RESP18: variants seen among roughly 807,000 people sequenced by gnomAD.
The protein encoded by RESP18 is regulated endocrine specific protein 18.
A neutral mutation model predicts 30.0 loss-of-function variants in RESP18; 30 were observed. That is an observed-to-expected ratio of 1.00 (90% CI 0.75 to 1.36). The LOEUF is 1.36. Among genes scored for constraint, RESP18 ranks in the 40% most tolerant of loss-of-function variants. RESP18 has a pLI of 0.00. For missense variants in RESP18, 320 were observed against 284.2 expected (o/e 1.13, Z -0.91); for synonymous variants, 117 against 111.2 (o/e 1.05, Z -0.33).
chr2:219,331,092 C>G, intron 2 of RESP18: 1 of 485,796 alleles, frequency 2.1e-6, no homozygotes, highest in South Asian at 2.7e-5. Context: ...ACTCTTGGTA[C>G]CAACTTACAG....
At chr2:219,328,248 T>A (rs1952793132) in intron 6 of RESP18, among the ~76,000 whole-genome samples, 1 of 152,250 alleles carries the variant, frequency 6.6e-6, no homozygotes, top group African/African-American at 2.4e-5. Flanking sequence ...TGCTATGATC[T>A]GTGAGCCCCT....
chr2:219,330,640 G>A, intron 3 of RESP18, 131 bp downstream of exon 2: 1 of 624,260 alleles, frequency 1.6e-6, no homozygotes, highest in Non-Finnish European at 2.8e-6. Flanking sequence ...ATCCCCATGG[G>A]GGTAAATGTG....
chr2:219,327,550 G>A lies in RESP18; in HGVS notation c.654C>T (p.Ala218=), dbSNP rs780836826. The stretch of plus-strand genomic sequence containing the variant: ...AGGGTTGCGGCCCACAGTAGGAAGT[G>A]GCCCAGAGAAGCCCTAAAACAAGAA... Residue 218 remains alanine, a synonymous_variant, in exon 7 of 7, where the codon GCC becomes GCT. Transcript: ENST00000333527. The A allele has an allele frequency of 1.9e-6, 3 of 1,551,616 alleles. No homozygotes were observed. Among genetic ancestry groups the A allele is most frequent in the South Asian group, 1.2e-5 (1 of 84,052 alleles).
At chr2:219,331,959 C>T (rs960706962) in intron 2 of RESP18, among the ~76,000 whole-genome samples, 6 of 152,350 alleles carry the variant, frequency 3.9e-5, no homozygotes, top group Non-Finnish European at 5.9e-5. Context: ...GGAGTTTGCG[C>T]TCTCTTCCCC....
intron 1 of RESP18, chr2:219,333,092 C>G (rs554724151): frequency 1.6e-6 from 2 of 1,214,692 alleles, no homozygotes; most frequent in South Asian, 4.1e-5. Flanking sequence ...CATATAGGTT[C>G]GATCTGCTAT....
chr2:219,329,345 C>T lies in RESP18; in HGVS notation c.466-93G>A, dbSNP rs1329690285. The stretch of plus-strand genomic sequence containing the variant: ...AATTGGATACAAAGTCAGGGATTCA[C>T]AATTCTTGAGAAGATACGTGAGTCT... On this transcript the variant is annotated intron_variant, in intron 4 of 6. Coordinates refer to ENST00000333527, the MANE Select transcript of RESP18 (RefSeq NM_001007089.4). 3 of 1,551,628 alleles carry T rather than the reference C, an allele frequency of 1.9e-6. No individual in the cohort carries two copies. In the East Asian group the frequency reaches 7.3e-5, roughly 38 times the overall value.
intron 6 of RESP18, among the ~76,000 whole-genome samples, chr2:219,328,292 C>T (rs539039068): frequency 9.3e-4 from 142 of 152,216 alleles, no homozygotes; most frequent in Non-Finnish European, 1.6e-3. Context: ...TCTCCACCCT[C>T]ATCTTTGACC....
At chr2:219,329,526 A>G in intron 4 of RESP18, 111 bp downstream of exon 3, 1 of 1,447,972 alleles carries the variant, frequency 6.9e-7, no homozygotes, top group Non-Finnish European at 9.0e-7. Context: ...GGACCTCTGA[A>G]TTCTCACAGT....
rs1180976157 is a variant in RESP18 at position 219,329,764 on chromosome 2, C to A, written c.338G>T (p.Gly113Val). ...GGTGATGTCATCCTTCCAGAACAGA[C>A]CTGCAGGATGAAAGGATGGGGGGTG... Residue 113 changes from glycine (G) to valine (V), a missense_variant and splice_region_variant, in exon 4 of 7, where the codon GGT (glycine) becomes GTT (valine). Gly to Val is a moderately radical substitution (Grantham distance 109). Coordinates refer to ENST00000333527, the MANE Select transcript of RESP18 (RefSeq NM_001007089.4). 2 of 1,550,988 alleles carry A rather than the reference C, an allele frequency of 1.3e-6. No individual in the cohort carries two copies. The highest frequency in any genetic ancestry group is 2.0e-5 in the Admixed American group (1 of 50,972).
chr2:219,333,009 C>T (rs950806309), intron 1 of RESP18, among the ~76,000 whole-genome samples: 2 of 151,768 alleles, frequency 1.3e-5, no homozygotes, highest in African/African-American at 4.8e-5. Flanking sequence ...AAACAGTAGG[C>T]ACTCAAGGAA....
At chr2:219,333,133 T>C in intron 1 of RESP18, 1 of 1,431,676 alleles carries the variant, frequency 7.0e-7, no homozygotes, top group South Asian at 1.3e-5. Flanking sequence ...ATATTATATA[T>C]TATATATGGC....
chr2:219,327,434 C>A lies in RESP18; in HGVS notation c.*83G>T, dbSNP rs1559314607. On this transcript the variant is annotated 3_prime_UTR_variant, in exon 7 of 7. Transcript: ENST00000333527. ...TGCATGAGAGTCTACTTTAATGATT[C>A]AAATCTGGGTCATCCAAGAACTGCT... 7 of 1,255,388 alleles carry A rather than the reference C, an allele frequency of 5.6e-6. No individual in the cohort carries two copies. Among genetic ancestry groups the A allele is most frequent in the South Asian group, 2.6e-5 (2 of 77,802 alleles). 77.8% of individuals were successfully genotyped at this position (1,255,388 alleles called of 1,614,324 possible).
intron 1 of RESP18, among the ~76,000 whole-genome samples, chr2:219,332,977 G>A (rs925794664): frequency 6.6e-6 from 1 of 152,076 alleles, no homozygotes; most frequent in African/African-American, 2.4e-5. Context: ...TTTGTTGTGA[G>A]AATCAAATAT....
intron 6 of RESP18, among the ~76,000 whole-genome samples, chr2:219,327,903 G>T (rs1952790009): frequency 6.6e-6 from 1 of 152,208 alleles, no homozygotes. Flanking sequence ...GGCTTAGGAA[G>T]CCCAGCTGCC....
Position 219,330,795 on chromosome 2 carries a change from C to G in RESP18, c.313G>C (p.Val105Leu), listed in dbSNP as rs116695673. Residue 105 changes from valine (V) to leucine (L), a missense_variant, in exon 3 of 7, where the codon GTG becomes CTG. Val to Leu is a conservative substitution (Grantham distance 32). Transcript: ENST00000333527. ...CCTTGGGGTATAATCTGCTGGAGCACAACCTGTAAATGCTGGAAGACTGGG... is the reference window on the plus strand; with the variant it reads ...CCTTGGGGTATAATCTGCTGGAGCAGAACCTGTAAATGCTGGAAGACTGGG... 4 of 1,551,062 alleles carry G rather than the reference C, an allele frequency of 2.6e-6. No individual in the cohort carries two copies. In the East Asian group the frequency reaches 9.8e-5, roughly 38 times the overall value.
intron 2 of RESP18, among the ~76,000 whole-genome samples, chr2:219,331,484 A>T (rs1248589073): frequency 6.6e-6 from 1 of 152,166 alleles, no homozygotes; most frequent in South Asian, 2.1e-4. Flanking sequence ...GCCATTCTGG[A>T]CAGGTCTTTA....
intron 6 of RESP18, among the ~76,000 whole-genome samples, chr2:219,328,288 C>A (rs1425039803): frequency 6.6e-6 from 1 of 152,208 alleles, no homozygotes; most frequent in Non-Finnish European, 1.5e-5. Context: ...TAATTCTCCA[C>A]CCTCATCTTT....
intron 2 of RESP18, among the ~76,000 whole-genome samples, chr2:219,331,981 G>A (rs1460809559): frequency 2.6e-5 from 4 of 152,358 alleles, no homozygotes; most frequent in Middle Eastern, 3.4e-3. Context: ...TGCGCTCTGC[G>A]CAGGAGTTCT....
At chr2:219,327,977 A>C (rs1952790815) in intron 6 of RESP18, among the ~76,000 whole-genome samples, 1 of 152,212 alleles carries the variant, frequency 6.6e-6, no homozygotes, top group Non-Finnish European at 1.5e-5. Flanking sequence ...CCTGTGGTGC[A>C]GGTTGCCTTT....
Sources: allele counts gnomAD v4.1 joint callset (sites outside exome capture counted in the v4.1 genomes callset), GRCh38; gene constraint gnomAD v4.1.1; transcripts MANE v1.5; gene names NCBI Gene and HGNC (gene_info 2026-07-23, HGNC 2026-07-21).